The following KCNMA1 variants were observed in gnomAD, a reference collection of about 807,000 sequenced individuals.
KCNMA1 encodes potassium calcium-activated channel subfamily M alpha 1.
In KCNMA1, 29 loss-of-function variants were observed where a neutral mutation model predicts 140.0. The ratio of observed to expected loss-of-function variants is 0.21; its 90% confidence interval spans 0.15 to 0.28. The LOEUF is 0.28. Among genes scored for constraint, KCNMA1 ranks in the 10% least tolerant of loss-of-function variants. The pLI is 1.00. For synonymous variants in KCNMA1, 612 were observed against 611.9 expected, an observed-to-expected ratio of 1.00 and a Z score of 0.00; for missense variants, 880 against 1,602.2, an observed-to-expected ratio of 0.55 and a Z score of 7.70.
intron 14 of KCNMA1, among the ~76,000 whole-genome samples, chr10:77,040,528 C>T (rs2094607534): frequency 6.6e-6 from 1 of 152,116 alleles, no homozygotes; most frequent in Non-Finnish European, 1.5e-5. Context: ...AAATAGTGTA[C>T]ATAATCTGAT....
chr10:77,289,974 C>T (rs1282517404), intron 2 of KCNMA1, among the ~76,000 whole-genome samples: 3 of 152,152 alleles, frequency 2.0e-5, no homozygotes, highest in Non-Finnish European at 4.4e-5. Context: ...ATTTGACATT[C>T]TTGAAAAGAT....
intron 2 of KCNMA1, among the ~76,000 whole-genome samples, chr10:77,400,481 A>G (rs142930925): frequency 1.1e-4 from 16 of 152,350 alleles, no homozygotes; most frequent in African/African-American, 3.8e-4. Flanking sequence ...GGTAATGTCA[A>G]AATGTCACAG....
At chr10:77,507,175 T>C (rs1334691007) in intron 1 of KCNMA1, among the ~76,000 whole-genome samples, 1 of 152,244 alleles carries the variant, frequency 6.6e-6, no homozygotes, top group Non-Finnish European at 1.5e-5. Context: ...TCTGAATTAT[T>C]AGTTTTTTAT....
chr10:77,284,734 G>T (rs2070103819), intron 2 of KCNMA1, among the ~76,000 whole-genome samples: 1 of 151,966 alleles, frequency 6.6e-6, no homozygotes, highest in Non-Finnish European at 1.5e-5. Flanking sequence ...GGCTGGTCGT[G>T]AACTCCTGAC....
intron 2 of KCNMA1, among the ~76,000 whole-genome samples, chr10:77,290,814 G>A (rs994582725): frequency 2.0e-5 from 3 of 152,184 alleles, no homozygotes; most frequent in Admixed American, 6.5e-5. Flanking sequence ...GGAAAATTCT[G>A]TGTCATCGTA....
At chr10:77,048,108 CAATA>C (rs60963807) in intron 14 of KCNMA1, among the ~76,000 whole-genome samples, 1 of 143,582 alleles carries the variant, frequency 7.0e-6, no homozygotes, top group African/African-American at 2.6e-5. Context: ...CATGATGAGA[CAATA>C]AATAAATAAA....
At chr10:77,288,448 G>A (rs896998426) in intron 2 of KCNMA1, among the ~76,000 whole-genome samples, 3 of 152,160 alleles carry the variant, frequency 2.0e-5, no homozygotes, top group Non-Finnish European at 4.4e-5. Flanking sequence ...TAGCAGAGGT[G>A]GCCGAATATA....
intron 2 of KCNMA1, among the ~76,000 whole-genome samples, chr10:77,394,448 G>C (rs1011041293): frequency 5.9e-5 from 9 of 152,220 alleles, no homozygotes; most frequent in Admixed American, 4.6e-4. Flanking sequence ...GGTCCTCTTG[G>C]GGGTAAGGCT....
At chr10:77,313,826 T>G (rs1336511568) in intron 2 of KCNMA1, 1 of 152,226 alleles carries the variant, frequency 6.6e-6, no homozygotes, top group Non-Finnish European at 1.5e-5. Flanking sequence ...GTGAGCCTGC[T>G]GTGCACAGAA....
At chr10:77,309,456 C>T (rs1325406059) in intron 2 of KCNMA1, 1 of 152,280 alleles carries the variant, frequency 6.6e-6, no homozygotes, top group Non-Finnish European at 1.5e-5. Context: ...CGTTGTGACA[C>T]ATGGCTTAAA....
At chr10:77,421,385 A>G (rs1323357546) in intron 1 of KCNMA1, among the ~76,000 whole-genome samples, 1 of 151,974 alleles carries the variant, frequency 6.6e-6, no homozygotes, top group Non-Finnish European at 1.5e-5. Flanking sequence ...CCTTCATAAC[A>G]CTCAAGGCAT....
At chr10:77,345,768 T>C (rs951605961) in intron 2 of KCNMA1, among the ~76,000 whole-genome samples, 2 of 152,240 alleles carry the variant, frequency 1.3e-5, no homozygotes, top group Non-Finnish European at 2.9e-5. Flanking sequence ...TAACTGTGCA[T>C]GTTTCTACCT....
chr10:77,086,108 A>G lies in KCNMA1; in HGVS notation c.1440+380T>C, dbSNP rs75243425. Among the ~76,000 whole-genome samples the G allele has an allele frequency of 6.0e-3, 912 of 152,358 alleles. 11 individuals are homozygous for G. Among genetic ancestry groups the G allele is most frequent in the African/African-American group, 0.021 (863 of 41,590 alleles). On this transcript the variant is annotated intron_variant, in intron 11 of 27. Transcript: ENST00000286628. ...CTTTCAGATGTAAATAATAGAAGTC[A>G]GAGCTATATTGAGTCCAACTTAAGT... is the stretch of plus-strand genomic sequence containing the variant.
At chr10:76,964,202 C>G (rs2072931854) in intron 20 of KCNMA1, among the ~76,000 whole-genome samples, 1 of 151,948 alleles carries the variant, frequency 6.6e-6, no homozygotes, top group Admixed American at 6.6e-5. Context: ...TGACAAAACT[C>G]TCAGGCCAGG....
chr10:77,549,288 T>C (rs571963334), intron 1 of KCNMA1, among the ~76,000 whole-genome samples: 1 of 152,346 alleles, frequency 6.6e-6, no homozygotes, highest in Non-Finnish European at 1.5e-5. Context: ...GAATTTACTA[T>C]ATTAAATTCT....
chr10:77,438,968 C>A (rs571423653), intron 1 of KCNMA1, among the ~76,000 whole-genome samples: 1 of 151,772 alleles, frequency 6.6e-6, no homozygotes, highest in African/African-American at 2.4e-5. Context: ...CCCAGCTACT[C>A]GGGAGGCTGA....
At chr10:77,013,899 A>G (rs973277430) in intron 17 of KCNMA1, among the ~76,000 whole-genome samples, 2 of 152,190 alleles carry the variant, frequency 1.3e-5, no homozygotes, top group Non-Finnish European at 2.9e-5. Context: ...ATGACATGAT[A>G]ATAAGCCTGA....
At chr10:76,945,190 G>A (rs565188695) in intron 22 of KCNMA1, among the ~76,000 whole-genome samples, 56 of 152,238 alleles carry the variant, frequency 3.7e-4, no homozygotes, top group Non-Finnish European at 6.3e-4. Flanking sequence ...AAGGGTAGTC[G>A]GTGCTGATGG....
chr10:77,475,489 G>A (rs1440088689), intron 1 of KCNMA1, among the ~76,000 whole-genome samples: 1 of 152,232 alleles, frequency 6.6e-6, no homozygotes, highest in South Asian at 2.1e-4. Flanking sequence ...CCTTACACAC[G>A]CTTAGTGGTC....
Sources: allele counts gnomAD v4.1 joint callset (sites outside exome capture counted in the v4.1 genomes callset), GRCh38; gene constraint gnomAD v4.1.1; transcripts MANE v1.5; gene names NCBI Gene and HGNC (gene_info 2026-07-23, HGNC 2026-07-21).